The following DNAH9 variants were observed in gnomAD, a reference collection of about 807,000 sequenced individuals.
DNAH9 encodes dynein axonemal heavy chain 9.
A neutral mutation model predicts 471.6 loss-of-function variants in DNAH9; 345 were observed. The observed-to-expected ratio is 0.73, with a 90% CI of 0.67 to 0.80. The LOEUF (loss-of-function observed/expected upper bound fraction) is 0.80. Among genes scored for constraint, DNAH9 ranks in the 30% least tolerant of loss-of-function variants. DNAH9 has a pLI of 0.00. For synonymous variants in DNAH9, 2,093 were observed against 2,123.6 expected (o/e 0.99, Z 0.40); for missense variants, 5,407 against 5,609.2 (o/e 0.96, Z 1.15).
At chr17:11,791,106 T>A (rs1969048440) in intron 41 of DNAH9, among the ~76,000 whole-genome samples, 1 of 152,320 alleles carries the variant, frequency 6.6e-6, no homozygotes, top group South Asian at 2.1e-4. Flanking sequence ...CTTGAAGAAC[T>A]CCTTTTAGTA....
chr17:11,823,592 C>T (rs181788114), intron 48 of DNAH9, among the ~76,000 whole-genome samples: 50 of 152,348 alleles, frequency 3.3e-4, no homozygotes, highest in Middle Eastern at 3.4e-3. Context: ...TTTCATGCAT[C>T]TCTAAGTAGT....
chr17:11,682,058 G>A (rs545991775), intron 19 of DNAH9, among the ~76,000 whole-genome samples: 1 of 152,276 alleles, frequency 6.6e-6, no homozygotes, highest in South Asian at 2.1e-4. Context: ...GGTTTGTCCA[G>A]GATCGTTCTG....
intron 56 of DNAH9, chr17:11,884,533 A>C: frequency 4.4e-6 from 2 of 456,036 alleles, no homozygotes; most frequent in South Asian, 3.1e-5. Flanking sequence ...GCTTATTGCC[A>C]GATTATTGGG....
intron 49 of DNAH9, among the ~76,000 whole-genome samples, chr17:11,840,594 A>T (rs999767396): frequency 5.3e-5 from 8 of 152,226 alleles, no homozygotes; most frequent in Non-Finnish European, 7.3e-5. Context: ...TCTCTGAAGC[A>T]TGTGAATGTT....
intron 49 of DNAH9, among the ~76,000 whole-genome samples, chr17:11,852,814 G>GTGTGTA (rs1169950713): frequency 5.9e-4 from 55 of 92,660 alleles, no homozygotes; most frequent in South Asian, 8.5e-4. Context: ...GTGTGTGTGT[G>GTGTGTA]TATATATATA....
Position 11,671,295 on chromosome 17 carries a change from G to A in DNAH9, c.3353+1501G>A, listed in dbSNP as rs147200836. Among the ~76,000 whole-genome samples, 1,006 of 152,306 alleles carry A rather than the reference G, an allele frequency of 6.6e-3. 7 individuals are homozygous for A. Among genetic ancestry groups the A allele is most frequent in the Middle Eastern group, 0.02 (6 of 294 alleles). ...ATAAAAAGATAGGTTATTACTCACA[G>A]TTCCCAGGAGGACAGTTTACAGCAG... On this transcript the variant is annotated intron_variant, in intron 17 of 68. Coordinates refer to ENST00000262442, the MANE Select transcript of DNAH9 (RefSeq NM_001372.4).
chr17:11,933,302 G>A (rs906096791), intron 64 of DNAH9, among the ~76,000 whole-genome samples: 3 of 152,124 alleles, frequency 2.0e-5, no homozygotes, highest in African/African-American at 7.2e-5. Flanking sequence ...GCTTGAAAGA[G>A]GGAAGGCATA....
Position 11,869,230 on chromosome 17 carries a change from A to G in DNAH9, c.10030A>G (p.Thr3344Ala). The change falls in exon 51 of 69, where the codon ACC becomes GCC. Residue 3344 changes from threonine (T) to alanine (A), a missense_variant. Thr to Ala is a moderately conservative substitution (Grantham distance 58). Around this residue, in one of 3 missense-constraint regions of DNAH9, gnomAD observed 4,636 missense variants for 4,900.3 expected, o/e 0.95. Transcript: ENST00000262442. Reference protein sequence around the residue: ...CQQEAEVTAVTISLANRLVGG... With the variant: ...CQQEAEVTAVAISLANRLVGG... ...GCAAGAAGCCGAAGTGACCGCAGTC[A>G]CCATCTCCCTTGCCAACCGCCTGGT... 6.2e-7 allele frequency: 1 copy of G among 1,613,734 alleles called. No homozygotes were observed. The highest frequency in any genetic ancestry group is 8.5e-7 in the Non-Finnish European group (1 of 1,179,792).
chr17:11,604,921 C>T (rs2072467620), intron 1 of DNAH9, among the ~76,000 whole-genome samples: 1 of 152,262 alleles, frequency 6.6e-6, no homozygotes. Flanking sequence ...CTACTCAAAA[C>T]GATCTCAGCC....
chr17:11,913,377 T>A (rs1973848444), intron 61 of DNAH9, among the ~76,000 whole-genome samples: 1 of 152,218 alleles, frequency 6.6e-6, no homozygotes, highest in Non-Finnish European at 1.5e-5. Flanking sequence ...TAAGACTTTG[T>A]CCATTTCATC....
At position 11,632,681 on chromosome 17, in the gene DNAH9, C is replaced by A. The variant is rs146479139; in HGVS notation, c.1613C>A (p.Pro538His). The part of the protein sequence containing the change: ...TIFIQAFDDA[P>H]GLEHAFKLLD... ...TTTATTCAAGCTTTTGATGATGCAC[C>A]TGGCTTGGAGCATGCCTTTAAGGTT... Residue 538 changes from proline to histidine, a missense_variant, in exon 8 of 69, where the codon CCT becomes CAT. Pro to His is a moderately conservative substitution (Grantham distance 77). This residue lies in a region of DNAH9 where 767 missense variants were observed against 692.5 expected (regional missense o/e 1.11). Coordinates refer to ENST00000262442, the MANE Select transcript of DNAH9 (RefSeq NM_001372.4). The A allele has an allele frequency of 1.9e-6, 3 of 1,599,308 alleles. No individual in the cohort carries two copies. Among genetic ancestry groups the A allele is most frequent in the Non-Finnish European group, 2.6e-6 (3 of 1,166,530 alleles).
intron 38 of DNAH9, among the ~76,000 whole-genome samples, chr17:11,769,866 C>T (rs904605448): frequency 6.6e-6 from 1 of 152,344 alleles, no homozygotes; most frequent in South Asian, 2.1e-4. Flanking sequence ...CATGGGCCAC[C>T]GGTGATGTTT....
intron 15 of DNAH9, among the ~76,000 whole-genome samples, chr17:11,665,462 A>G (rs2073850608): frequency 6.6e-6 from 1 of 152,250 alleles, no homozygotes; most frequent in Non-Finnish European, 1.5e-5. Context: ...AGAGTCACAC[A>G]AGAAGTAGGG....
intron 61 of DNAH9, among the ~76,000 whole-genome samples, chr17:11,916,764 C>G (rs1228243164): frequency 6.6e-6 from 1 of 152,154 alleles, no homozygotes; most frequent in African/African-American, 2.4e-5. Context: ...TTTGCTTCAA[C>G]AAGGCAGTTC....
At chr17:11,800,740 C>T (rs1452317559) in intron 43 of DNAH9, among the ~76,000 whole-genome samples, 1 of 152,108 alleles carries the variant, frequency 6.6e-6, no homozygotes, top group Non-Finnish European at 1.5e-5. Flanking sequence ...TACATGACGC[C>T]CCTGTGGTCA....
At chr17:11,757,475 A>G in intron 34 of DNAH9, 70 bp from the exon 35 acceptor site, 1 of 1,381,798 alleles carries the variant, frequency 7.2e-7, no homozygotes, top group Non-Finnish European at 1.0e-6. Context: ...CAGAGAAAAT[A>G]ACTCCCTGGG....
intron 38 of DNAH9, among the ~76,000 whole-genome samples, chr17:11,778,005 A>G (rs1298340087): frequency 6.6e-6 from 1 of 152,170 alleles, no homozygotes; most frequent in Non-Finnish European, 1.5e-5. Context: ...AGAGACATGA[A>G]GCTGGGGCAG....
At chr17:11,605,267 C>A (rs1327086333) in intron 1 of DNAH9, among the ~76,000 whole-genome samples, 1 of 152,146 alleles carries the variant, frequency 6.6e-6, no homozygotes, top group Non-Finnish European at 1.5e-5. Context: ...CCCTCCACCC[C>A]ACACTCCTGA....
chr17:11,657,984 A>T (rs2073685423), intron 14 of DNAH9, among the ~76,000 whole-genome samples: 1 of 152,040 alleles, frequency 6.6e-6, no homozygotes, highest in Non-Finnish European at 1.5e-5. Context: ...TTTCAAGGTC[A>T]TTTTGACTAG....
Sources: allele counts gnomAD v4.1 joint callset (sites outside exome capture counted in the v4.1 genomes callset), GRCh38; gene constraint gnomAD v4.1.1; regional missense constraint gnomAD v4.1.1; transcripts MANE v1.5; gene names NCBI Gene and HGNC (gene_info 2026-07-23, HGNC 2026-07-21).